Variants in EPHA5 observed in about 807,000 individuals in gnomAD.
The protein encoded by EPHA5 is ephrin type-A receptor 5.
EPHA5 carries 60 observed loss-of-function variants against 105.0 expected under a neutral mutation model. The observed-to-expected ratio is 0.57, with a 90% CI of 0.46 to 0.71. EPHA5 has a LOEUF of 0.71. Among genes scored for constraint, EPHA5 ranks in the 30% least tolerant of loss-of-function variants. The probability of loss-of-function intolerance (pLI) is 0.00; values close to 1 mark genes in which losing one functional copy is unlikely to be tolerated. For synonymous variants in EPHA5, 513 were observed against 449.1 expected, an observed-to-expected ratio of 1.14 and a Z score of -1.80; for missense variants, 1,218 against 1,274.7, an observed-to-expected ratio of 0.96 and a Z score of 0.68.
intron 8 of EPHA5, among the ~76,000 whole-genome samples, chr4:65,367,758 A>G (rs1445004858): frequency 6.6e-6 from 1 of 151,912 alleles, no homozygotes; most frequent in Non-Finnish European, 1.5e-5. Context: ...GGCAGTTCAA[A>G]AGCCACTGCC....
intron 2 of EPHA5, among the ~76,000 whole-genome samples, chr4:65,632,041 T>A (rs910662292): frequency 6.6e-6 from 1 of 152,028 alleles, no homozygotes; most frequent in Admixed American, 6.6e-5. Flanking sequence ...TGCTAAACAC[T>A]GCATCACTGA....
intron 3 of EPHA5, among the ~76,000 whole-genome samples, chr4:65,600,466 G>A (rs1195258968): frequency 6.6e-6 from 1 of 152,108 alleles, no homozygotes; most frequent in Non-Finnish European, 1.5e-5. Context: ...TTCAAGTAAA[G>A]TGCAATGTGT....
chr4:65,614,755 A>G (rs1745075406), intron 2 of EPHA5, among the ~76,000 whole-genome samples: 1 of 151,896 alleles, frequency 6.6e-6, no homozygotes, highest in Non-Finnish European at 1.5e-5. Flanking sequence ...TGCTGGGAGT[A>G]TATATTAGTA....
At chr4:65,375,881 C>A (rs1323259416) in intron 8 of EPHA5, among the ~76,000 whole-genome samples, 5 of 151,688 alleles carry the variant, frequency 3.3e-5, no homozygotes, top group African/African-American at 1.2e-4. Flanking sequence ...GACACTGAAG[C>A]CCCATGCTCA....
chr4:65,411,874 T>C (rs1259360136), intron 7 of EPHA5, among the ~76,000 whole-genome samples: 1 of 152,146 alleles, frequency 6.6e-6, no homozygotes, highest in Non-Finnish European at 1.5e-5. Flanking sequence ...ACTTACAGCA[T>C]CTTGAGCTAA....
At chr4:65,624,168 A>G (rs1745938206) in intron 2 of EPHA5, among the ~76,000 whole-genome samples, 1 of 152,188 alleles carries the variant, frequency 6.6e-6, no homozygotes, top group Admixed American at 6.5e-5. Flanking sequence ...ATTTATATTT[A>G]GAGATTTATG....
intron 2 of EPHA5, among the ~76,000 whole-genome samples, chr4:65,628,691 T>G (rs916308517): frequency 6.6e-6 from 1 of 152,168 alleles, no homozygotes; most frequent in African/African-American, 2.4e-5. Flanking sequence ...TTTAATGAAG[T>G]GACTATATTT....
intron 3 of EPHA5, among the ~76,000 whole-genome samples, chr4:65,575,535 T>C (rs1317216220): frequency 6.6e-6 from 1 of 152,182 alleles, no homozygotes; most frequent in Non-Finnish European, 1.5e-5. Context: ...ACATAAATGT[T>C]GCCATTTCAC....
intron 3 of EPHA5, among the ~76,000 whole-genome samples, chr4:65,541,769 A>G (rs528846059): frequency 6.6e-6 from 1 of 152,068 alleles, no homozygotes; most frequent in Non-Finnish European, 1.5e-5. Context: ...AGAGCCCTCC[A>G]CCCCAAAGCA....
intron 4 of EPHA5, 134 bp downstream of exon 4, chr4:65,495,254 A>G (rs1181780978): frequency 4.2e-6 from 4 of 942,734 alleles, no homozygotes; most frequent in Non-Finnish European, 6.0e-6. Flanking sequence ...AAAATTGGTG[A>G]AAACTGTATA....
In EPHA5 at chr4:65,320,188, G is replaced by T; in HGVS notation, c.*3926C>A. ...AAAAGAAAGTTCCTATTTCTATTTT[G>T]ATACATTACTATATAATTAACAGCA... is the stretch of plus-strand genomic sequence containing the variant. On this transcript the variant is annotated 3_prime_UTR_variant, in exon 17 of 17. Transcript: ENST00000613740. 4.4e-6 allele frequency: 1 copy of T among 229,804 alleles called. No individual in the cohort carries two copies. The highest frequency in any genetic ancestry group is 5.7e-5 in the Admixed American group (1 of 17,598). The allele number at this position is 229,804 out of a possible 1,614,324, so 14.2% of individuals were successfully genotyped here.
At chr4:65,497,457 A>G (rs534106713) in intron 3 of EPHA5, among the ~76,000 whole-genome samples, 6 of 152,204 alleles carry the variant, frequency 3.9e-5, no homozygotes, top group Admixed American at 3.9e-4. Context: ...AGTATTAGGG[A>G]CATTCTTGTA....
intron 5 of EPHA5, among the ~76,000 whole-genome samples, chr4:65,467,873 G>A (rs758055777): frequency 6.6e-6 from 1 of 152,126 alleles, no homozygotes; most frequent in Non-Finnish European, 1.5e-5. Flanking sequence ...TGAGGTCAGG[G>A]CGAAGCAATG....
chr4:65,626,313 T>A (rs1382646569), intron 2 of EPHA5, among the ~76,000 whole-genome samples: 5 of 152,172 alleles, frequency 3.3e-5, no homozygotes, highest in African/African-American at 1.2e-4. Context: ...TTGTTATAAG[T>A]ACTGTAATAG....
chr4:65,513,004 C>T (rs1733767851), intron 3 of EPHA5, among the ~76,000 whole-genome samples: 1 of 151,984 alleles, frequency 6.6e-6, no homozygotes, highest in African/African-American at 2.4e-5. Flanking sequence ...ATTAAGCATG[C>T]CATGCAGATT....
intron 8 of EPHA5, among the ~76,000 whole-genome samples, chr4:65,401,918 A>T (rs1721872795): frequency 6.6e-6 from 1 of 151,782 alleles, no homozygotes; most frequent in Non-Finnish European, 1.5e-5. Flanking sequence ...AGAGAGAGAG[A>T]GAGAGAGAGA....
chr4:65,573,892 T>C, intron 3 of EPHA5: 4 of 1,611,934 alleles, frequency 2.5e-6, no homozygotes, highest in Non-Finnish European at 3.4e-6. Flanking sequence ...CGAGCCAGCA[T>C]TACCCCCGGG....
At chr4:65,341,704 T>C (rs1721742881) in intron 14 of EPHA5, among the ~76,000 whole-genome samples, 1 of 151,978 alleles carries the variant, frequency 6.6e-6, no homozygotes, top group African/African-American at 2.4e-5. Flanking sequence ...AAATGTAGGC[T>C]TGAAAACTGA....
At chr4:65,625,014 T>A (rs1746010454) in intron 2 of EPHA5, among the ~76,000 whole-genome samples, 1 of 152,178 alleles carries the variant, frequency 6.6e-6, no homozygotes, top group Non-Finnish European at 1.5e-5. Flanking sequence ...AAATTGTCAT[T>A]GGCATAGATA....
Sources: gnomAD v4.1 joint callset for allele counts (sites outside exome capture counted in the v4.1 genomes callset) on GRCh38, gnomAD v4.1.1 for gene constraint, MANE v1.5 for transcripts, NCBI Gene and HGNC (gene_info 2026-07-23, HGNC 2026-07-21) for gene names.